MLST8: variants seen among roughly 807,000 people sequenced by gnomAD.
MLST8 encodes the protein target of rapamycin complex subunit LST8.
A neutral mutation model predicts 41.3 loss-of-function variants in MLST8; 20 were observed. The ratio of observed to expected loss-of-function variants is 0.48; its 90% CI spans 0.34 to 0.70. MLST8 has a LOEUF of 0.70. Ranked by LOEUF, MLST8 falls within the 30% of genes least tolerant of loss-of-function variation. The probability of loss-of-function intolerance (pLI) is 0.01; values close to 1 mark genes in which losing one functional copy is unlikely to be tolerated. For synonymous variants in MLST8, 243 were observed against 183.0 expected, an observed-to-expected ratio of 1.33 and a Z score of -2.65; for missense variants, 422 against 454.3, an observed-to-expected ratio of 0.93 and a Z score of 0.65.
chr16:2,207,391 G>T, intron 6 of MLST8, 46 bp downstream of exon 6: 2 of 1,596,392 alleles, frequency 1.3e-6, no homozygotes, highest in Non-Finnish European at 1.7e-6. Context: ...TTGGCACTCA[G>T]CCCTCAGCCT....
chr16:2,207,290 T>C lies in MLST8; in HGVS notation c.518T>C (p.Ile173Thr). ...CTGATCCCTGAGCCCGAGGTCTCCATCACGTCCGCCCACATCGATCCCGAC... is the reference window on the plus strand; with the variant it reads ...CTGATCCCTGAGCCCGAGGTCTCCACCACGTCCGCCCACATCGATCCCGAC... ...EQLIPEPEVSITSAHIDPDAS... is the reference protein window; with the variant it reads ...EQLIPEPEVSTTSAHIDPDAS... The change falls in exon 6 of 9, where the codon ATC (isoleucine) becomes ACC (threonine). Residue 173 changes from isoleucine (I) to threonine (T), a missense_variant. Coordinates refer to ENST00000569417, the MANE Select transcript of MLST8 (RefSeq NM_022372.6). The C allele has an allele frequency of 5.0e-6, 8 of 1,614,178 alleles. No homozygotes were observed. The highest frequency in any genetic ancestry group is 6.8e-6 in the Non-Finnish European group (8 of 1,180,028).
At chr16:2,206,473 C>T (rs1453853974) in intron 3 of MLST8, 24 bp from the exon 4 acceptor site, 1 of 1,612,000 alleles carries the variant, frequency 6.2e-7, no homozygotes, top group Admixed American at 1.7e-5. Flanking sequence ...CACAGCCAAG[C>T]TTCAGTTCAG....
Position 2,206,190 on chromosome 16 carries a change from C to A in MLST8, c.105C>A (p.Thr35=), listed in dbSNP as rs773542252. Residue 35 remains threonine, a synonymous_variant, in exon 2 of 9, where the codon ACC becomes ACA. Coordinates refer to ENST00000569417, the MANE Select transcript of MLST8 (RefSeq NM_022372.6). ...RFWQAHSGIC[T]RTVQHQDSQV... ...GGCAGGCCCACAGCGGCATCTGCAC[C>A]CGGACGGTGCAGCACCAGGACTCCG... is the stretch of plus-strand genomic sequence containing the variant. 2 of 1,610,688 alleles carry A rather than the reference C, an allele frequency of 1.2e-6. No individual in the cohort carries two copies. Among genetic ancestry groups the A allele is most frequent in the South Asian group, 2.2e-5 (2 of 90,964 alleles).
chr16:2,208,401 T>C, intron 7 of MLST8, 49 bp from the exon 8 acceptor site: 1 of 1,608,460 alleles, frequency 6.2e-7, no homozygotes, highest in Non-Finnish European at 8.5e-7. Flanking sequence ...GGGGAGGGGC[T>C]GCTGGATGGA....
rs774324416 is a variant in MLST8 at position 2,208,560 on chromosome 16, G to A, written c.809G>A (p.Arg270His). The A allele has an allele frequency of 5.6e-6, 9 of 1,612,734 alleles. No individual in the cohort carries two copies. Among genetic ancestry groups the A allele is most frequent in the East Asian group, 2.2e-5 (1 of 44,880 alleles). ...AGCGGCAACCCCGGGGAGTCCTCCC[G>A]CGGCTGGATGTGGGGCTGCGCCTTC... ...IKSGNPGESS[R>H]GWMWGCAFSG... Residue 270 changes from arginine (R) to histidine (H), a missense_variant, in exon 8 of 9, where the codon CGC becomes CAC. Coordinates refer to ENST00000569417, the MANE Select transcript of MLST8 (RefSeq NM_022372.6).
In MLST8 at chr16:2,206,091, C is replaced by T. The variant is rs1256096303; in HGVS notation, c.6C>T (p.Asn2=). The change falls in exon 2 of 9, where the codon AAC becomes AAT. Residue 2 remains asparagine, a synonymous_variant. Coordinates refer to ENST00000569417, the MANE Select transcript of MLST8 (RefSeq NM_022372.6). The stretch of plus-strand genomic sequence containing the variant: ...GGGCCCGTGCAGGCCACACCATGAA[C>T]ACCTCCCCAGGCACGGTGGGCAGTG... M[N]TSPGTVGSDP... is the part of the protein sequence containing the mutation. 2 of 1,598,538 alleles carry T rather than the reference C, an allele frequency of 1.3e-6. No homozygotes were observed. The highest frequency in any genetic ancestry group is 1.1e-5 in the South Asian group (1 of 90,052).
In MLST8 at chr16:2,209,399, A is replaced by G. The variant is rs1238777256; in HGVS notation, c.*522A>G. 4 of 1,613,788 alleles carry G rather than the reference A, an allele frequency of 2.5e-6. No individual in the cohort carries two copies. In the African/African-American group the frequency reaches 5.3e-5, roughly 22 times the overall value. ...GTAATAAAAGCAGACCGACACGCAG[A>G]TGTTGCTCGGGAAGCAGATGTCGAT... On this transcript the variant is annotated 3_prime_UTR_variant, in exon 9 of 9. Coordinates refer to ENST00000569417, the MANE Select transcript of MLST8 (RefSeq NM_022372.6).
chr16:2,207,294 GTCCGCCCACATCGA>G lies in MLST8; in HGVS notation c.526_539del (p.Ala176ArgfsTer10), dbSNP rs747771720. 12 of 1,614,172 alleles carry G rather than the reference GTCCGCCCACATCGA, an allele frequency of 7.4e-6. No individual in the cohort carries two copies. On this transcript the variant is annotated frameshift_variant, in exon 6 of 9. Coordinates refer to ENST00000569417, the MANE Select transcript of MLST8 (RefSeq NM_022372.6). LOFTEE classifies it high-confidence loss of function. ...TCCCTGAGCCCGAGGTCTCCATCAC[GTCCGCCCACATCGA>G]TCCCGACGCCAGCTACATGGCAGCT...
At chr16:2,205,664 G>A (rs962416103) in intron 1 of MLST8, 152 bp downstream of exon 1, 80 of 988,220 alleles carry the variant, frequency 8.1e-5, no homozygotes, top group African/African-American at 3.3e-4. Flanking sequence ...TTTCCCATCA[G>A]GGCCTGCCGC....
At position 2,209,445 on chromosome 16, in the gene MLST8, G is replaced by T; in HGVS notation, c.*568G>T. The T allele has an allele frequency of 6.2e-7, 1 of 1,613,734 alleles. No individual in the cohort carries two copies. The highest frequency in any genetic ancestry group is 2.2e-5 in the East Asian group (1 of 44,872). The stretch of plus-strand genomic sequence containing the variant: ...TCGATGCAGAGATAAATCAGCCGCT[G>T]TCTCCGGGGCCCTGTGGCGAGGGTG... On this transcript the variant is annotated 3_prime_UTR_variant, in exon 9 of 9. Coordinates refer to ENST00000569417, the MANE Select transcript of MLST8 (RefSeq NM_022372.6).
rs1035145429 is a variant in MLST8 at position 2,205,528 on chromosome 16, G to A, written c.-56+16G>A. 3 of 274,186 alleles carry A rather than the reference G, an allele frequency of 1.1e-5. No homozygotes were observed. Among genetic ancestry groups the A allele is most frequent in the African/African-American group, 4.6e-5 (2 of 43,682 alleles). 17.0% of individuals were successfully genotyped at this position (274,186 alleles called of 1,614,324 possible). ...CGCCCGTAAGGTACGGAGGCCGCGA[G>A]CCAGGGGCCGGGAACCGGCTGCTGG... On this transcript the variant is annotated intron_variant, in intron 1 of 8. Transcript: ENST00000569417.
At chr16:2,206,888 T>G in intron 4 of MLST8, 147 bp from the exon 5 acceptor site, 1 of 1,185,066 alleles carries the variant, frequency 8.4e-7, no homozygotes, top group Non-Finnish European at 1.2e-6. Flanking sequence ...TTAGGCTCCC[T>G]GCTGGAGCAG....
chr16:2,208,859 T>C lies in MLST8; in HGVS notation c.963T>C (p.Asn321=). The change falls in exon 9 of 9, where the codon AAT becomes AAC. Residue 321 remains asparagine (N), a synonymous_variant. Transcript: ENST00000569417. ...HQKAVVCLAF[N]DSVLG ...AGGCTGTTGTCTGCCTGGCCTTCAATGACAGTGTGCTGGGCTAGCCTGTGA... is the reference window on the plus strand; with the variant it reads ...AGGCTGTTGTCTGCCTGGCCTTCAACGACAGTGTGCTGGGCTAGCCTGTGA... The C allele has an allele frequency of 6.2e-7, 1 of 1,613,498 alleles. No homozygotes were observed.
At position 2,207,089 on chromosome 16, in the gene MLST8, C is replaced by T. The variant is rs746479398; in HGVS notation, c.399C>T (p.Cys133=). 1.2e-5 allele frequency: 20 copies of T among 1,613,738 alleles called. 1 individual carries two copies. The highest frequency in any genetic ancestry group is 3.3e-4 in the Middle Eastern group (2 of 6,082). ...TCCAGGTGAACGCACCCATTAACTG[C>T]GTGTGCCTGCACCCCAACCAGGTGA... ...RIFQVNAPIN[C]VCLHPNQAEL... Residue 133 remains cysteine (C), a synonymous_variant, in exon 5 of 9, where the codon TGC becomes TGT. Coordinates refer to ENST00000569417, the MANE Select transcript of MLST8 (RefSeq NM_022372.6).
intron 1 of MLST8, chr16:2,205,768 GCCCGCGCGTGACT>G (rs908628346): frequency 1.9e-6 from 2 of 1,041,160 alleles, no homozygotes; most frequent in Non-Finnish European, 2.3e-6. Context: ...GCAGAGTGGC[GCCCGCGCGTGACT>G]CCCCCCTGCC....
At chr16:2,206,432 A>C (rs753311232) in intron 3 of MLST8, 23 bp downstream of exon 3, 14 of 1,613,916 alleles carry the variant, frequency 8.7e-6, no homozygotes, top group Non-Finnish European at 1.2e-5. Flanking sequence ...CTTGATCTCT[A>C]AACTCCTGAG....
Position 2,208,932 on chromosome 16 carries a change from G to C in MLST8, c.*55G>C. ...GGTGGTGGCAGCTGGAGGGACCCAT[G>C]CAGCACCCAGGTCAGAGCAGACCCT... On this transcript the variant is annotated 3_prime_UTR_variant, in exon 9 of 9. Coordinates refer to ENST00000569417, the MANE Select transcript of MLST8 (RefSeq NM_022372.6). 2 of 1,579,984 alleles carry C rather than the reference G, an allele frequency of 1.3e-6. No individual in the cohort carries two copies. Among genetic ancestry groups the C allele is most frequent in the Non-Finnish European group, 1.7e-6 (2 of 1,156,608 alleles).
intron 1 of MLST8, 50 bp from the exon 2 acceptor site, chr16:2,205,981 C>G (rs899647171): frequency 1.3e-6 from 2 of 1,482,096 alleles, no homozygotes; most frequent in Non-Finnish European, 1.8e-6. Flanking sequence ...GGTCTATAAT[C>G]TACTTAGCAC....
At chr16:2,208,122 G>A (rs1366020134) in intron 6 of MLST8, 88 bp from the exon 7 acceptor site, 3 of 1,479,100 alleles carry the variant, frequency 2.0e-6, no homozygotes, top group African/African-American at 1.4e-5. Context: ...ATGCACAGTT[G>A]GCCCCCAGTG....
Sources: allele counts gnomAD v4.1 joint callset, GRCh38; gene constraint gnomAD v4.1.1; transcripts MANE v1.5; gene names NCBI Gene and HGNC (gene_info 2026-07-23, HGNC 2026-07-21).